Variants in SCAPER observed in about 807,000 individuals in gnomAD.
SCAPER encodes S phase cyclin A-associated protein in the endoplasmic reticulum.
In SCAPER, 98 loss-of-function variants were observed where a neutral mutation model predicts 182.2. The observed-to-expected ratio is 0.54, with a 90% CI of 0.46 to 0.64. The LOEUF (loss-of-function observed/expected upper bound fraction) is 0.64. Ranked by LOEUF, SCAPER falls within the 30% of genes least tolerant of loss-of-function variation. The pLI, the probability that SCAPER is intolerant of heterozygous loss-of-function variation, is 0.00. For missense variants in SCAPER, 1,432 were observed against 1,690.0 expected (o/e 0.85, Z 2.68); for synonymous variants, 605 against 564.6 (o/e 1.07, Z -1.01).
chr15:76,568,545 C>T (rs914267861), intron 23 of SCAPER, among the ~76,000 whole-genome samples: 6 of 152,016 alleles, frequency 3.9e-5, no homozygotes, highest in East Asian at 1.9e-4. Context: ...TTAGTAGAGA[C>T]GGGGTTTCGC....
intron 23 of SCAPER, among the ~76,000 whole-genome samples, chr15:76,514,564 G>C (rs1039621339): frequency 7.2e-5 from 11 of 152,190 alleles, no homozygotes; most frequent in African/African-American, 2.2e-4. Context: ...TTTGTGATCA[G>C]GGAGGAAGGC....
chr15:76,779,473 C>A (rs2063955385), intron 8 of SCAPER, among the ~76,000 whole-genome samples: 1 of 152,024 alleles, frequency 6.6e-6, no homozygotes, highest in Admixed American at 6.5e-5. Flanking sequence ...CCACCAAAAC[C>A]ACTAGCTACT....
At chr15:76,714,014 A>G (rs2059743693) in intron 17 of SCAPER, among the ~76,000 whole-genome samples, 1 of 152,168 alleles carries the variant, frequency 6.6e-6, no homozygotes, top group Non-Finnish European at 1.5e-5. Flanking sequence ...AAGGACTGTA[A>G]TTTGCATGAC....
intron 4 of SCAPER, among the ~76,000 whole-genome samples, chr15:76,849,739 A>C (rs1599086125): frequency 1.3e-5 from 2 of 152,292 alleles, no homozygotes; most frequent in Middle Eastern, 6.8e-3. Context: ...CACCAAAAAT[A>C]CGCTGCTGTG....
At chr15:76,834,020 C>G (rs2068730337) in intron 5 of SCAPER, among the ~76,000 whole-genome samples, 5 of 152,218 alleles carry the variant, frequency 3.3e-5, no homozygotes. Context: ...CAGGTATCTA[C>G]AGAATACTCC....
intron 15 of SCAPER, among the ~76,000 whole-genome samples, chr15:76,744,112 A>G (rs892186773): frequency 5.9e-5 from 9 of 152,194 alleles, no homozygotes; most frequent in African/African-American, 1.9e-4. Context: ...CTAGACCCTT[A>G]CTTTTAACTA....
rs570458868 is a variant in SCAPER, at chr15:76,863,509, G to T, written c.7-976C>A. Among the ~76,000 whole-genome samples the T allele has an allele frequency of 1.7e-4, 26 of 152,314 alleles. No individual in the cohort carries two copies. The East Asian group carries it at 2.5e-3, about 15-fold the overall frequency. On this transcript the variant is annotated intron_variant, in intron 2 of 31. Coordinates refer to ENST00000563290, the MANE Select transcript of SCAPER (RefSeq NM_020843.4). Reference sequence around the variant, plus strand: ...CAATTACTATGTGCAAAAGCATCAAGTAAGAGACTGAGGAGAATATAAAGA... The same window carrying T: ...CAATTACTATGTGCAAAAGCATCAATTAAGAGACTGAGGAGAATATAAAGA...
intron 29 of SCAPER, among the ~76,000 whole-genome samples, chr15:76,361,934 A>G (rs949563363): frequency 1.3e-5 from 2 of 152,212 alleles, no homozygotes; most frequent in Non-Finnish European, 1.5e-5. Flanking sequence ...GGAAGGAGAC[A>G]TCATAATATT....
intron 9 of SCAPER, among the ~76,000 whole-genome samples, chr15:76,773,171 G>A (rs2063562049): frequency 6.6e-6 from 1 of 151,782 alleles, no homozygotes; most frequent in African/African-American, 2.4e-5. Context: ...AAAAAACTCA[G>A]TATCATTTTT....
intron 17 of SCAPER, among the ~76,000 whole-genome samples, chr15:76,716,388 C>G (rs1302310963): frequency 6.6e-6 from 1 of 151,910 alleles, no homozygotes; most frequent in Non-Finnish European, 1.5e-5. Context: ...ATGGCAGGGT[C>G]ACAAGAAACA....
intron 22 of SCAPER, among the ~76,000 whole-genome samples, chr15:76,588,941 G>A (rs2048897562): frequency 2.0e-5 from 3 of 152,156 alleles, no homozygotes; most frequent in Non-Finnish European, 4.4e-5. Flanking sequence ...CTGTTCCCTT[G>A]ATGTAGTACT....
At chr15:76,839,483 G>T (rs1419459820) in intron 5 of SCAPER, among the ~76,000 whole-genome samples, 1 of 152,222 alleles carries the variant, frequency 6.6e-6, no homozygotes, top group African/African-American at 2.4e-5. Context: ...TACCCAGCAT[G>T]TGCTTAGACC....
Position 76,637,770 on chromosome 15 carries a change from G to A in SCAPER, c.2646-15941C>T, listed in dbSNP as rs1391320264. On this transcript the variant is annotated intron_variant, in intron 21 of 31. Coordinates refer to ENST00000563290, the MANE Select transcript of SCAPER (RefSeq NM_020843.4). ...TGTGTGTGTGTGTGTGTGTGTGTGT[G>A]TGTGTGTGTGTGTGTGTGTGTGTGT... 2.6e-3 allele frequency among the ~76,000 whole-genome samples: 365 copies of A among 143,042 alleles called. 6 individuals are homozygous for A. Among genetic ancestry groups the A allele is most frequent in the African/African-American group, 8.4e-3 (316 of 37,832 alleles). 93.8% of individuals were successfully genotyped at this position (143,042 alleles called of 152,430 possible).
intron 27 of SCAPER, among the ~76,000 whole-genome samples, chr15:76,403,864 T>C (rs953732058): frequency 6.6e-6 from 1 of 152,148 alleles, no homozygotes; most frequent in Non-Finnish European, 1.5e-5. Flanking sequence ...GAGGGTTACT[T>C]GTGTCCTTCC....
At chr15:76,472,327 AC>A in intron 24 of SCAPER, 1 of 688,622 alleles carries the variant, frequency 1.5e-6, no homozygotes, top group Non-Finnish European at 2.7e-6. Flanking sequence ...GCCAAAACAG[AC>A]CAGGCACAGA....
intron 24 of SCAPER, among the ~76,000 whole-genome samples, chr15:76,490,742 T>C (rs1340703451): frequency 5.9e-5 from 9 of 152,210 alleles, no homozygotes; most frequent in Non-Finnish European, 7.4e-5. Context: ...TTCCCCTAAG[T>C]CTTCTTTCAT....
At chr15:76,586,972 A>G (rs544672747) in intron 22 of SCAPER, among the ~76,000 whole-genome samples, 1 of 152,096 alleles carries the variant, frequency 6.6e-6, no homozygotes, top group East Asian at 1.9e-4. Flanking sequence ...TTAAATTATC[A>G]TTAAATCTCA....
At chr15:76,357,190 C>CACACACACACA (rs1364364928) in intron 29 of SCAPER, among the ~76,000 whole-genome samples, 31 of 40,210 alleles carry the variant, frequency 7.7e-4, no homozygotes, top group South Asian at 2.8e-3. Flanking sequence ...ACACACACAC[C>CACACACACACA]CCTATGGCCA....
In SCAPER at chr15:76,646,664, A is replaced by G. The variant is rs28478409; in HGVS notation, c.2645+18989T>C. On this transcript the variant is annotated intron_variant, in intron 21 of 31. Coordinates refer to ENST00000563290, the MANE Select transcript of SCAPER (RefSeq NM_020843.4). Reference sequence around the variant, plus strand: ...TTCTTTCAACCTAAATTGCAGCAGCAAAGTTCTGACTCACAGCGACTCCTT... The same window carrying G: ...TTCTTTCAACCTAAATTGCAGCAGCGAAGTTCTGACTCACAGCGACTCCTT... Among the ~76,000 whole-genome samples, 315 of 152,358 alleles carry G rather than the reference A, an allele frequency of 2.1e-3. 1 individual carries two copies. The highest frequency in any genetic ancestry group is 7.2e-3 in the African/African-American group (298 of 41,580).
Sources: gnomAD v4.1 joint callset for allele counts (sites outside exome capture counted in the v4.1 genomes callset) on GRCh38, gnomAD v4.1.1 for gene constraint, MANE v1.5 for transcripts, NCBI Gene and HGNC (gene_info 2026-07-23, HGNC 2026-07-21) for gene names.